ABAT: variants seen among roughly 807,000 people sequenced by gnomAD.
ABAT encodes 4-aminobutyrate aminotransferase, mitochondrial.
ABAT carries 45 observed loss-of-function variants against 64.6 expected under a neutral mutation model. That is an observed-to-expected ratio of 0.70 (90% CI 0.55 to 0.89). The LOEUF is 0.89. Among genes scored for constraint, ABAT ranks in the 40% least tolerant of loss-of-function variants. ABAT has a pLI of 0.00. For missense variants in ABAT, 633 were observed against 658.4 expected, an observed-to-expected ratio of 0.96 and a Z score of 0.42; for synonymous variants, 297 against 250.5, an observed-to-expected ratio of 1.19 and a Z score of -1.75.
chr16:8,761,658 G>A (rs752506900), intron 6 of ABAT, among the ~76,000 whole-genome samples: 2 of 152,168 alleles, frequency 1.3e-5, no homozygotes, highest in East Asian at 1.9e-4. Flanking sequence ...TGACCTCCAC[G>A]GGCTAAAAGG....
chr16:8,686,648 C>A (rs1468759825), intron 1 of ABAT, among the ~76,000 whole-genome samples: 1 of 152,196 alleles, frequency 6.6e-6, no homozygotes, highest in African/African-American at 2.4e-5. Flanking sequence ...GGGTCTCCTA[C>A]TGAAGGGAGC....
At chr16:8,717,607 C>G (rs1322532470) in intron 1 of ABAT, among the ~76,000 whole-genome samples, 2 of 152,158 alleles carry the variant, frequency 1.3e-5, no homozygotes, top group Non-Finnish European at 2.9e-5. Context: ...GTAGCTTAGA[C>G]CAGAGTCTCC....
chr16:8,768,916 C>G lies in ABAT; in HGVS notation c.759C>G (p.Tyr253Ter). ...WPIAPFPRLKYPLEEFVKENQ... is the reference protein window; with the variant it reads ...WPIAPFPRLK ...TCGCACCGTTCCCACGGCTGAAATA[C>G]CCTCTGGAAGAGTTTGTGAAAGAGA... The change falls in exon 11 of 16, where the codon TAC becomes TAG. Residue 253 changes from tyrosine (Y) to a stop codon, truncating the protein, a stop_gained. Coordinates refer to ENST00000268251, the MANE Select transcript of ABAT (RefSeq NM_020686.6). LOFTEE classifies it high-confidence loss of function. 6.2e-7 allele frequency: 1 copy of G among 1,614,160 alleles called. No individual in the cohort carries two copies.
At chr16:8,698,989 G>A (rs2057762427) in intron 1 of ABAT, among the ~76,000 whole-genome samples, 1 of 152,098 alleles carries the variant, frequency 6.6e-6, no homozygotes. Context: ...GTGCTGCAAC[G>A]AACAGCAGCA....
intron 2 of ABAT, chr16:8,736,081 C>T: frequency 2.1e-6 from 1 of 466,218 alleles, no homozygotes; most frequent in South Asian, 2.2e-5. Context: ...GGAACAAAGG[C>T]ACGTCTTACA....
At chr16:8,769,905 A>G (rs530239717) in intron 11 of ABAT, among the ~76,000 whole-genome samples, 9 of 152,312 alleles carry the variant, frequency 5.9e-5, no homozygotes, top group African/African-American at 2.2e-4. Flanking sequence ...TAGGCACATC[A>G]TCATTTTCAA....
intron 11 of ABAT, among the ~76,000 whole-genome samples, chr16:8,770,166 C>A (rs1433270162): frequency 6.6e-6 from 1 of 152,178 alleles, no homozygotes; most frequent in Non-Finnish European, 1.5e-5. Flanking sequence ...GAGATGGAGT[C>A]TAGCTCTGTT....
intron 1 of ABAT, among the ~76,000 whole-genome samples, chr16:8,732,582 T>C (rs2058762808): frequency 6.6e-6 from 1 of 151,728 alleles, no homozygotes; most frequent in Admixed American, 6.6e-5. Flanking sequence ...AGAAGTTTTC[T>C]TAGCACAGAA....
intron 1 of ABAT, among the ~76,000 whole-genome samples, chr16:8,716,682 T>C (rs2058224414): frequency 6.6e-6 from 1 of 152,206 alleles, no homozygotes; most frequent in African/African-American, 2.4e-5. Context: ...CCCTGTCTGC[T>C]CTCCCTTTTT....
chr16:8,781,187 G>T lies in ABAT; in HGVS notation c.1382-122G>T, dbSNP rs968769622. 4 of 1,449,878 alleles carry T rather than the reference G, an allele frequency of 2.8e-6. No homozygotes were observed. Among genetic ancestry groups the T allele is most frequent in the African/African-American group, 1.6e-5 (1 of 63,378 alleles). 89.8% of individuals were successfully genotyped at this position (1,449,878 alleles called of 1,614,324 possible). ...GGAAGCCCGGGCTTCCATGATGGAG[G>T]ATGATGGATGGATGGATGGATGGAT... On this transcript the variant is annotated intron_variant, in intron 15 of 15. Coordinates refer to ENST00000268251, the MANE Select transcript of ABAT (RefSeq NM_020686.6). The surrounding 1 kb of genome is among the most constrained non-coding windows in gnomAD (Gnocchi z 4.5).
In ABAT at chr16:8,772,864, G is replaced by A; in HGVS notation, c.901G>A (p.Asp301Asn). The change falls in exon 12 of 16, where the codon GAC becomes AAC. Residue 301 changes from aspartate (D) to asparagine (N), a missense_variant. Transcript: ENST00000268251. Reference protein sequence around the residue: ...IVEPIQSEGGDNHASDDFFRK... With the variant: ...IVEPIQSEGGNNHASDDFFRK... ...GGAGCCCATCCAGTCCGAGGGTGGA[G>A]ACAACCACGCATCCGATGACTTCTT... The A allele has an allele frequency of 6.2e-7, 1 of 1,614,082 alleles. No individual in the cohort carries two copies.
chr16:8,764,414 G>A lies in ABAT; in HGVS notation c.447+265G>A, dbSNP rs986400588. ...TCATTCAATCCTGCCCCCACTTCTC[G>A]GTTTTAGTTACTACAAACGATTAAA... On this transcript the variant is annotated intron_variant, in intron 7 of 15. Transcript: ENST00000268251. The surrounding 1 kb of genome is among the most constrained non-coding windows in gnomAD (Gnocchi z 4.2). Among the ~76,000 whole-genome samples, 2 of 152,144 alleles carry A rather than the reference G, an allele frequency of 1.3e-5. No individual in the cohort carries two copies. Among genetic ancestry groups the A allele is most frequent in the East Asian group, 1.9e-4 (1 of 5,192 alleles).
At position 8,768,246 on chromosome 16, in the gene ABAT, G is replaced by C. The variant is rs1245557067; in HGVS notation, c.657G>C (p.Gly219=). ...TCTCCTTCATGGGCGCGTTCCATGG[G>C]AGGACCATGGGTAAGGAGGGACCAT... ...SILSFMGAFH[G]RTMGCLATTH... is the part of the protein sequence containing the mutation. The change falls in exon 10 of 16, where the codon GGG becomes GGC. Residue 219 remains glycine, a synonymous_variant. Coordinates refer to ENST00000268251, the MANE Select transcript of ABAT (RefSeq NM_020686.6). 3 of 1,613,940 alleles carry C rather than the reference G, an allele frequency of 1.9e-6. No individual in the cohort carries two copies. The African/African-American group carries it at 4.0e-5, about 22-fold the overall frequency.
At chr16:8,741,075 C>G (rs1452516848) in intron 2 of ABAT, among the ~76,000 whole-genome samples, 1 of 152,228 alleles carries the variant, frequency 6.6e-6, no homozygotes, top group Non-Finnish European at 1.5e-5. Context: ...TAAAAATAGA[C>G]TCTGGCTTGG....
At chr16:8,778,042 A>G (rs1596473620) in intron 14 of ABAT, among the ~76,000 whole-genome samples, 3 of 152,132 alleles carry the variant, frequency 2.0e-5, no homozygotes, top group East Asian at 3.9e-4. Flanking sequence ...GTTTCTACCA[A>G]TGAGCTGCCG....
chr16:8,720,079 C>T (rs571144507), intron 1 of ABAT, among the ~76,000 whole-genome samples: 43 of 152,310 alleles, frequency 2.8e-4, no homozygotes, highest in African/African-American at 1.0e-3. Flanking sequence ...TCCCAAAGTG[C>T]TAGGATTACA....
At chr16:8,770,583 C>G (rs2142990330) in intron 11 of ABAT, among the ~76,000 whole-genome samples, 1 of 152,164 alleles carries the variant, frequency 6.6e-6, no homozygotes, top group South Asian at 2.1e-4. Flanking sequence ...GGAACTAAGG[C>G]ACATGACACC....
chr16:8,763,606 G>A (rs1476619908), intron 6 of ABAT, among the ~76,000 whole-genome samples: 1 of 152,154 alleles, frequency 6.6e-6, no homozygotes, highest in African/African-American at 2.4e-5. Flanking sequence ...GTTTCACCAT[G>A]TTGGCCAGGC....
intron 1 of ABAT, among the ~76,000 whole-genome samples, chr16:8,732,500 T>G (rs868226960): frequency 6.6e-6 from 1 of 151,302 alleles, no homozygotes; most frequent in Non-Finnish European, 1.5e-5. Flanking sequence ...TAACCCTGAG[T>G]GGACACAGCA....
Sources: allele counts gnomAD v4.1 joint callset (sites outside exome capture counted in the v4.1 genomes callset), GRCh38; gene constraint gnomAD v4.1.1; non-coding constraint Gnocchi (gnomAD v3.1); transcripts MANE v1.5; gene names NCBI Gene and HGNC (gene_info 2026-07-23, HGNC 2026-07-21).